NOL4: variants seen among roughly 807,000 people sequenced by gnomAD.
NOL4 encodes the protein nucleolar protein 4.
A neutral mutation model predicts 75.9 loss-of-function variants in NOL4; 17 were observed. The observed-to-expected ratio is 0.22, with a 90% CI of 0.15 to 0.34. The LOEUF (loss-of-function observed/expected upper bound fraction) is 0.34. NOL4 is among the 10% of genes least tolerant of loss of function. The probability of loss-of-function intolerance (pLI) is 1.00; values close to 1 mark genes in which losing one functional copy is unlikely to be tolerated. For synonymous variants in NOL4, 292 were observed against 289.9 expected, an observed-to-expected ratio of 1.01 and a Z score of -0.07; for missense variants, 614 against 793.5, an observed-to-expected ratio of 0.77 and a Z score of 2.72.
intron 5 of NOL4, among the ~76,000 whole-genome samples, chr18:34,033,111 T>C (rs778950967): frequency 6.6e-6 from 1 of 151,954 alleles, no homozygotes; most frequent in East Asian, 1.9e-4. Flanking sequence ...ATATACCAGA[T>C]GCAGAGATAT....
chr18:33,868,684 C>T (rs1444917294), intron 10 of NOL4, among the ~76,000 whole-genome samples: 1 of 151,440 alleles, frequency 6.6e-6, no homozygotes, highest in Non-Finnish European at 1.5e-5. Flanking sequence ...CACACACACA[C>T]ACACACACGT....
intron 1 of NOL4, among the ~76,000 whole-genome samples, chr18:34,164,741 G>A (rs1177423584): frequency 6.6e-6 from 1 of 151,932 alleles, no homozygotes; most frequent in African/African-American, 2.4e-5. Context: ...CCATTACTGG[G>A]TATATACCCA....
At chr18:34,040,985 T>C (rs2076115259) in intron 5 of NOL4, among the ~76,000 whole-genome samples, 1 of 151,962 alleles carries the variant, frequency 6.6e-6, no homozygotes, top group Admixed American at 6.6e-5. Flanking sequence ...TTTTGTCTGA[T>C]AATCAAAAAT....
At chr18:33,897,712 A>G (rs2065496077) in intron 9 of NOL4, among the ~76,000 whole-genome samples, 2 of 152,046 alleles carry the variant, frequency 1.3e-5, no homozygotes, top group Admixed American at 1.3e-4. Flanking sequence ...CCCATGACAC[A>G]TGTTTGACTA....
intron 9 of NOL4, among the ~76,000 whole-genome samples, chr18:33,884,845 A>G (rs892418957): frequency 7.2e-5 from 11 of 152,288 alleles, no homozygotes; most frequent in Non-Finnish European, 1.6e-4. Flanking sequence ...TATTGAGAAT[A>G]CTATGACCAT....
intron 8 of NOL4, among the ~76,000 whole-genome samples, chr18:33,949,606 G>A (rs537941024): frequency 9.2e-5 from 14 of 152,190 alleles, no homozygotes; most frequent in Admixed American, 3.3e-4. Context: ...ATTGGAGCCC[G>A]TGGATCTACT....
intron 6 of NOL4, among the ~76,000 whole-genome samples, chr18:33,978,293 C>A (rs1391602997): frequency 9.2e-5 from 14 of 152,032 alleles, no homozygotes; most frequent in Admixed American, 6.6e-4. Flanking sequence ...CCAGTACAGA[C>A]AAAGAGTCTT....
intron 10 of NOL4, among the ~76,000 whole-genome samples, chr18:33,866,447 C>T (rs1018776113): frequency 6.6e-6 from 1 of 152,044 alleles, no homozygotes; most frequent in African/African-American, 2.4e-5. Context: ...TGCTTTTTAT[C>T]TAAGGGGGTT....
At chr18:34,040,463 T>A (rs1883665570) in intron 5 of NOL4, among the ~76,000 whole-genome samples, 2 of 151,984 alleles carry the variant, frequency 1.3e-5, no homozygotes. Flanking sequence ...TGAGGAAAAA[T>A]GCTTCAATCA....
chr18:34,049,354 C>G lies in NOL4; in HGVS notation c.773-29753G>C, dbSNP rs550894921. On this transcript the variant is annotated intron_variant, in intron 5 of 10. Transcript: ENST00000261592. The stretch of plus-strand genomic sequence containing the variant: ...ACATTGTAGGAGGGCAGATTTCATA[C>G]GTTATTTTCAAACATGGCAGTTAAA... Among the ~76,000 whole-genome samples the G allele has an allele frequency of 2.0e-5, 3 of 151,754 alleles. No individual in the cohort carries two copies. In the East Asian group the frequency reaches 5.8e-4, roughly 29 times the overall value.
chr18:34,184,638 G>T (rs2146352896), intron 1 of NOL4, among the ~76,000 whole-genome samples: 1 of 152,194 alleles, frequency 6.6e-6, no homozygotes, highest in African/African-American at 2.4e-5. Flanking sequence ...TTCTGAGAAG[G>T]TGGGGGTTCA....
chr18:33,919,396 C>A (rs2066904604), intron 9 of NOL4, among the ~76,000 whole-genome samples: 1 of 152,132 alleles, frequency 6.6e-6, no homozygotes, highest in African/African-American at 2.4e-5. Context: ...ACCCCCTGAG[C>A]CTTGAACAGG....
rs118015807 is a variant in NOL4 at position 33,997,167 on chromosome 18, G to A, written c.1056+22151C>T. Among the ~76,000 whole-genome samples the A allele has an allele frequency of 7.8e-3, 1,179 of 151,866 alleles. 5 individuals are homozygous for A. The highest frequency in any genetic ancestry group is 0.02 in the Middle Eastern group (6 of 294). ...TTACTAATTAATTTTTTGCCAAAGC[G>A]GATGTCCAGAAGGGTATTTCCTAGG... On this transcript the variant is annotated intron_variant, in intron 6 of 10. Coordinates refer to ENST00000261592, the MANE Select transcript of NOL4 (RefSeq NM_003787.5).
At chr18:33,881,264 G>C (rs370385993) in intron 10 of NOL4, among the ~76,000 whole-genome samples, 80 of 149,778 alleles carry the variant, frequency 5.3e-4, no homozygotes, top group African/African-American at 1.8e-3. Context: ...GGAGATTTTG[G>C]GCTGAGACAA....
chr18:33,961,910 T>A (rs1467575533), intron 6 of NOL4, among the ~76,000 whole-genome samples: 2 of 152,138 alleles, frequency 1.3e-5, no homozygotes, highest in African/African-American at 4.8e-5. Flanking sequence ...TTTCATTAAC[T>A]TCTATAATTG....
intron 1 of NOL4, among the ~76,000 whole-genome samples, chr18:34,150,603 A>G (rs546811190): frequency 1.3e-4 from 19 of 151,876 alleles, no homozygotes; most frequent in Non-Finnish European, 2.5e-4. Flanking sequence ...ATCCTAGACT[A>G]AATGTTAAAT....
chr18:34,088,256 C>T (rs2078338906), intron 5 of NOL4, among the ~76,000 whole-genome samples: 1 of 151,970 alleles, frequency 6.6e-6, no homozygotes, highest in Non-Finnish European at 1.5e-5. Context: ...TGACACTTTT[C>T]TTTTGCCAGA....
intron 10 of NOL4, among the ~76,000 whole-genome samples, chr18:33,853,626 T>C (rs2062715029): frequency 6.6e-6 from 1 of 152,100 alleles, no homozygotes; most frequent in Admixed American, 6.6e-5. Flanking sequence ...CAGGCAGATG[T>C]TGTTTACCAT....
chr18:33,924,084 C>T (rs544046043), intron 9 of NOL4, among the ~76,000 whole-genome samples: 41 of 152,288 alleles, frequency 2.7e-4, no homozygotes, highest in African/African-American at 9.6e-4. Flanking sequence ...AATGTTCAAA[C>T]GTGTTGCATT....
Sources: gnomAD v4.1 joint callset for allele counts (sites outside exome capture counted in the v4.1 genomes callset) on GRCh38, gnomAD v4.1.1 for gene constraint, MANE v1.5 for transcripts, NCBI Gene and HGNC (gene_info 2026-07-23, HGNC 2026-07-21) for gene names.